Variants in CDC23 observed in about 807,000 individuals in gnomAD.
CDC23 encodes the protein cell division cycle protein 23 homolog.
Under a neutral mutation model 81.7 loss-of-function variants are expected in CDC23, and 26 were observed. The observed-to-expected ratio is 0.32, with a 90% CI of 0.23 to 0.44. The LOEUF (loss-of-function observed/expected upper bound fraction) is 0.44, where lower values mean the gene tolerates loss of function less well. CDC23 is among the 20% of genes least tolerant of loss of function. CDC23 has a pLI of 1.00. For missense variants in CDC23, 519 were observed against 728.0 expected (o/e 0.71, Z 3.30); for synonymous variants, 267 against 270.8 (o/e 0.99, Z 0.14).
rs771956015 is a variant in CDC23, at chr5:138,199,778, T to C, written c.655-996A>G. 1.1e-4 allele frequency among the ~76,000 whole-genome samples: 16 copies of C among 152,254 alleles called. 1 individual carries two copies. Among genetic ancestry groups the C allele is most frequent in the Non-Finnish European group, 1.6e-4 (11 of 68,044 alleles). ...CAAGACAAGGAATTTGGTTTTGCTA[T>C]TTTGAATCCAGAGATTGTTTAACAA... On this transcript the variant is annotated intron_variant, in intron 6 of 15. Coordinates refer to ENST00000394886, the MANE Select transcript of CDC23 (RefSeq NM_004661.4).
rs1581481621 is a variant in CDC23, at chr5:138,188,925, G to C, written c.*53C>G. The C allele has an allele frequency of 1.3e-6, 2 of 1,562,052 alleles. No individual in the cohort carries two copies. Among genetic ancestry groups the C allele is most frequent in the East Asian group, 4.5e-5 (2 of 44,388 alleles). ...ACAGACGTGCTGTTCTTTACATGGA[G>C]GTAAGGCTTAATTAAGATGGGTCTA... On this transcript the variant is annotated 3_prime_UTR_variant, in exon 16 of 16. Transcript: ENST00000394886.
At position 138,206,649 on chromosome 5, in the gene CDC23, G is replaced by A; in HGVS notation, c.270C>T (p.Ala90=). 6.2e-7 allele frequency: 1 copy of A among 1,613,890 alleles called. No individual in the cohort carries two copies. The highest frequency in any genetic ancestry group is 1.1e-5 in the South Asian group (1 of 91,062). ...DAQDMDAYTL[A]KAYFDVKEYD... ...ACTCTTTAACGTCAAAGTAGGCCTT[G>A]GCCAGGGTATAGGCATCCATATCCT... The change falls in exon 3 of 16, where the codon GCC becomes GCT. Residue 90 remains alanine, a synonymous_variant. Coordinates refer to ENST00000394886, the MANE Select transcript of CDC23 (RefSeq NM_004661.4).
intron 9 of CDC23, among the ~76,000 whole-genome samples, chr5:138,195,568 TTATATATAATATATTATATATAA>T (rs1326471373): frequency 6.6e-5 from 6 of 90,554 alleles, no homozygotes; most frequent in Non-Finnish European, 1.0e-4. Context: ...TATAATATAT[TTATATATAATATATTATATATAA>T]TATATATTAT....
Position 138,188,570 on chromosome 5 carries a change from A to C in CDC23, c.*408T>G, listed in dbSNP as rs556764369. The stretch of plus-strand genomic sequence containing the variant: ...GCTCTGACTTCTTCCTAGGGTACTC[A>C]GTGCCCTACTGCCAGCTCAGGGTAG... On this transcript the variant is annotated 3_prime_UTR_variant, in exon 16 of 16. Transcript: ENST00000394886. 2 of 156,494 alleles carry C rather than the reference A, an allele frequency of 1.3e-5. No individual in the cohort carries two copies. Among genetic ancestry groups the C allele is most frequent in the Admixed American group, 1.3e-4 (2 of 15,634 alleles). The allele number at this position is 156,494 out of a possible 1,614,324, so 9.7% of individuals were successfully genotyped here. A position where few individuals can be genotyped will look rare whatever the true frequency, so the allele number is the denominator to read the frequency against.
intron 7 of CDC23, 22 bp from the exon 8 acceptor site, chr5:138,198,545 G>T: frequency 3.1e-6 from 5 of 1,613,112 alleles, no homozygotes; most frequent in Non-Finnish European, 4.2e-6. Context: ...AGATAGTTCA[G>T]AAAACAGCAC....
intron 2 of CDC23, among the ~76,000 whole-genome samples, chr5:138,206,963 T>G (rs1581490330): frequency 7.0e-6 from 1 of 142,606 alleles, no homozygotes; most frequent in African/African-American, 2.6e-5. Context: ...CACTGCAACC[T>G]CTGCCTCCCA....
At chr5:138,193,166 G>A (rs890636619) in intron 9 of CDC23, among the ~76,000 whole-genome samples, 4 of 152,160 alleles carry the variant, frequency 2.6e-5, no homozygotes, top group South Asian at 2.1e-4. Flanking sequence ...GAGCTCAAGC[G>A]ATCTTCCTGC....
At chr5:138,206,231 AT>A (rs1755046349) in intron 3 of CDC23, 1 of 441,078 alleles carries the variant, frequency 2.3e-6, no homozygotes, top group Non-Finnish European at 4.0e-6. Context: ...GAATTTATAA[AT>A]TTAAAAGTCA....
intron 6 of CDC23, among the ~76,000 whole-genome samples, chr5:138,200,100 C>T (rs1211740276): frequency 1.3e-5 from 2 of 152,170 alleles, no homozygotes; most frequent in African/African-American, 4.8e-5. Flanking sequence ...TCCATGACAG[C>T]TCAGAAGAGG....
chr5:138,204,569 T>C (rs951346830), intron 3 of CDC23, among the ~76,000 whole-genome samples: 1 of 151,884 alleles, frequency 6.6e-6, no homozygotes, highest in African/African-American at 2.4e-5. Context: ...ACTTGTCAAT[T>C]TGGAATCATT....
chr5:138,201,298 C>A, intron 5 of CDC23, 45 bp downstream of exon 5: 2 of 1,613,204 alleles, frequency 1.2e-6, no homozygotes, highest in Non-Finnish European at 1.7e-6. Flanking sequence ...GCTTTCTACT[C>A]AGGAGAATAT....
In CDC23 at chr5:138,213,077, A is replaced by G; in HGVS notation, c.162-14T>C. ...AACTCCGCCGACCTGGAACACCCAC[A>G]CAAACTAGATCAGCTCGACAAGCCC... On this transcript the variant is annotated splice_polypyrimidine_tract_variant and intron_variant, in intron 1 of 15. Coordinates refer to ENST00000394886, the MANE Select transcript of CDC23 (RefSeq NM_004661.4). 6.2e-7 allele frequency: 1 copy of G among 1,614,010 alleles called. No individual in the cohort carries two copies. The highest frequency in any genetic ancestry group is 8.5e-7 in the Non-Finnish European group (1 of 1,180,000).
intron 9 of CDC23, among the ~76,000 whole-genome samples, chr5:138,193,726 A>C (rs1754851422): frequency 6.6e-6 from 1 of 152,180 alleles, no homozygotes; most frequent in African/African-American, 2.4e-5. Flanking sequence ...TGGGAGGCTA[A>C]GGCGGGCGGA....
At position 138,194,807 on chromosome 5, in the gene CDC23, C is replaced by T. The variant is rs17234898; in HGVS notation, c.1013-2150G>A. Among the ~76,000 whole-genome samples, 449 of 150,902 alleles carry T rather than the reference C, an allele frequency of 3.0e-3. 1 individual carries two copies. Among genetic ancestry groups the T allele is most frequent in the Non-Finnish European group, 5.1e-3 (344 of 67,744 alleles). ...TACGACCTTGGCTCACTGCACCCTC[C>T]GCCTCCCGGATTCTAGCGATTCTCC... is the stretch of plus-strand genomic sequence containing the variant. On this transcript the variant is annotated intron_variant, in intron 9 of 15. Coordinates refer to ENST00000394886, the MANE Select transcript of CDC23 (RefSeq NM_004661.4).
chr5:138,203,512 CAAAT>C (rs1180531750), intron 3 of CDC23, among the ~76,000 whole-genome samples: 5 of 152,008 alleles, frequency 3.3e-5, no homozygotes. Context: ...TCATAAAAGA[CAAAT>C]AAGGCTGTTT....
Position 138,198,613 on chromosome 5 carries a change from T to C in CDC23, c.824A>G (p.Asn275Ser), listed in dbSNP as rs1461375856. Residue 275 changes from asparagine to serine, a missense_variant, in exon 7 of 16, where the codon AAT (asparagine) becomes AGT (serine). Physicochemically the swap from Asn to Ser is conservative, Grantham distance 46 (BLOSUM62 1). Around this residue, in one of 4 missense-constraint regions of CDC23, gnomAD observed 180 missense variants for 239.3 expected, o/e 0.75. Transcript: ENST00000394886. Reference sequence around the variant, plus strand: ...TGTCTTTATTCACTCACCTCTGATATTGTGATAGGCAACTGCAATTTGGGA... The same window carrying C: ...TGTCTTTATTCACTCACCTCTGATACTGTGATAGGCAACTGCAATTTGGGA... ...IVSQIAVAYH[N>S]IRDIDKALSI... is the part of the protein sequence containing the mutation. 6.2e-7 allele frequency: 1 copy of C among 1,614,118 alleles called. No homozygotes were observed. Among genetic ancestry groups the C allele is most frequent in the Non-Finnish European group, 8.5e-7 (1 of 1,179,984 alleles).
rs1468115174 is a variant in CDC23, at chr5:138,198,467, T to A, written c.889A>T (p.Ile297Phe). 6.2e-7 allele frequency: 1 copy of A among 1,614,190 alleles called. No homozygotes were observed. The highest frequency in any genetic ancestry group is 8.5e-7 in the Non-Finnish European group (1 of 1,180,036). The change falls in exon 8 of 16, where the codon ATT (isoleucine) becomes TTT (phenylalanine). Residue 297 changes from isoleucine to phenylalanine, a missense_variant. Transcript: ENST00000394886. Reference protein sequence around the residue: ...NELRKQDPYRIENMDTFSNLL... With the variant: ...NELRKQDPYRFENMDTFSNLL... Reference sequence around the variant, plus strand: ...TTGGAGAATGTGTCCATATTTTCAATCCTGTAAGGGTCTTGTTTCCTTAGC... The same window carrying A: ...TTGGAGAATGTGTCCATATTTTCAAACCTGTAAGGGTCTTGTTTCCTTAGC...
At chr5:138,191,114 T>G (rs1256755294) in intron 13 of CDC23, among the ~76,000 whole-genome samples, 1 of 152,158 alleles carries the variant, frequency 6.6e-6, no homozygotes, top group East Asian at 1.9e-4. Flanking sequence ...TAGCATTCTC[T>G]TTTTATTTTT....
intron 9 of CDC23, among the ~76,000 whole-genome samples, chr5:138,195,758 CATATATTATATATGTGTATATAT>C (rs1561634177): frequency 0.012 from 1,290 of 109,254 alleles, 16 homozygotes; most frequent in African/African-American, 0.044. Flanking sequence ...TATATATATA[CATATATTATATATGTGTATATAT>C]ACATATATTT....
Sources: allele counts gnomAD v4.1 joint callset (sites outside exome capture counted in the v4.1 genomes callset), GRCh38; gene constraint gnomAD v4.1.1; regional missense constraint gnomAD v4.1.1; transcripts MANE v1.5; gene names NCBI Gene and HGNC (gene_info 2026-07-23, HGNC 2026-07-21).